Variants in PRDM15 observed in about 807,000 individuals in gnomAD.
PRDM15 encodes the protein PR/SET domain 15, also known as PR domain zinc finger protein 15.
Under a neutral mutation model 128.6 loss-of-function variants are expected in PRDM15, and 64 were observed. The observed-to-expected ratio is 0.50, with a 90% CI of 0.41 to 0.61. The LOEUF (loss-of-function observed/expected upper bound fraction) is 0.61, where lower values mean the gene tolerates loss of function less well. Among genes scored for constraint, PRDM15 ranks in the 20% least tolerant of loss-of-function variants. The pLI is 0.00. For synonymous variants in PRDM15, 615 were observed against 621.8 expected, an observed-to-expected ratio of 0.99 and a Z score of 0.16; for missense variants, 1,242 against 1,569.1, an observed-to-expected ratio of 0.79 and a Z score of 3.52.
chr21:41,803,825 T>C (rs1294004999), intron 22 of PRDM15, among the ~76,000 whole-genome samples: 4 of 152,082 alleles, frequency 2.6e-5, no homozygotes, highest in Non-Finnish European at 5.9e-5. Context: ...ACTGAGAGCA[T>C]GGCACGTTCT....
At chr21:41,824,918 C>T (rs116294658) in intron 13 of PRDM15, among the ~76,000 whole-genome samples, 1,805 of 152,382 alleles carry the variant, frequency 0.012, 38 homozygotes, top group African/African-American at 0.041. Flanking sequence ...ACGGCGGGGA[C>T]GGTGACAGCG....
intron 1 of PRDM15, among the ~76,000 whole-genome samples, chr21:41,876,802 G>A (rs1003982821): frequency 2.6e-5 from 4 of 152,202 alleles, no homozygotes; most frequent in African/African-American, 7.2e-5. Flanking sequence ...AGGCCTGCCT[G>A]GCTCTGGAAC....
intron 18 of PRDM15, 37 bp from the exon 19 acceptor site, chr21:41,815,873 C>A: frequency 6.2e-7 from 1 of 1,606,518 alleles, no homozygotes; most frequent in Non-Finnish European, 8.5e-7. Context: ...GGCCACACCC[C>A]CACGCAGCCC....
In PRDM15 at chr21:41,862,196, G is replaced by A. The variant is rs572794490; in HGVS notation, c.-9-1824C>T. On this transcript the variant is annotated intron_variant, in intron 1 of 23. Transcript: ENST00000398548. This position sits in a 1 kb window ranked among gnomAD's most constrained non-coding sequence, Gnocchi z 4.1. ...CTGCGTGCCCCCTGCAGGAACCCACGTGACTCACGGTCAGGAGCTTGGGCG... is the reference window on the plus strand; with the variant it reads ...CTGCGTGCCCCCTGCAGGAACCCACATGACTCACGGTCAGGAGCTTGGGCG... 3.2e-4 allele frequency among the ~76,000 whole-genome samples: 49 copies of A among 152,316 alleles called. No homozygotes were observed. Among genetic ancestry groups the A allele is most frequent in the African/African-American group, 1.1e-3 (47 of 41,586 alleles).
At chr21:41,839,135 G>A (rs1279151973) in intron 7 of PRDM15, among the ~76,000 whole-genome samples, 5 of 152,238 alleles carry the variant, frequency 3.3e-5, no homozygotes, top group African/African-American at 9.6e-5. Context: ...GCCCTAGACA[G>A]GTCCTGGGAG....
chr21:41,835,687 C>T (rs1191183506), intron 10 of PRDM15, among the ~76,000 whole-genome samples, 163 bp from the exon 11 acceptor site: 2 of 152,180 alleles, frequency 1.3e-5, no homozygotes, highest in Non-Finnish European at 2.9e-5. Context: ...TTTGCTCTTG[C>T]TGTTCACCTG....
At position 41,821,882 on chromosome 21, in the gene PRDM15, C is replaced by G; in HGVS notation, c.1896+21G>C. ...CTTCCTCTCCAGACCACCCAGGCAC[C>G]GCGGGGCAAACCCGCCATACCTGGC... On this transcript the variant is annotated intron_variant, in intron 15 of 23. Coordinates refer to ENST00000398548, the MANE Select transcript of PRDM15 (RefSeq NM_001040424.3). This position sits in a 1 kb window ranked among gnomAD's most constrained non-coding sequence, Gnocchi z 5.4. 2 of 1,612,904 alleles carry G rather than the reference C, an allele frequency of 1.2e-6. No homozygotes were observed. The highest frequency in any genetic ancestry group is 1.1e-5 in the South Asian group (1 of 91,072).
chr21:41,875,536 T>C lies in PRDM15; in HGVS notation c.-10+3734A>G, dbSNP rs187638179. On this transcript the variant is annotated intron_variant, in intron 1 of 23. Coordinates refer to ENST00000398548, the MANE Select transcript of PRDM15 (RefSeq NM_001040424.3). ...ATACTGAGTTAAAATAAAACTGCCA[T>C]GTCACTCTTGTAAATATATCTATTA... 2.3e-4 allele frequency among the ~76,000 whole-genome samples: 35 copies of C among 152,404 alleles called. 1 individual carries two copies. The highest frequency in any genetic ancestry group is 2.0e-3 in the Admixed American group (30 of 15,312).
At chr21:41,804,386 G>A (rs2061499539) in intron 22 of PRDM15, 148 bp downstream of exon 22, 1 of 633,596 alleles carries the variant, frequency 1.6e-6, no homozygotes, top group Admixed American at 2.8e-5. Context: ...GAGGTTCTGA[G>A]GGGAAGAGAA....
At chr21:41,864,189 C>T (rs943286018) in intron 1 of PRDM15, among the ~76,000 whole-genome samples, 5 of 152,014 alleles carry the variant, frequency 3.3e-5, no homozygotes, top group African/African-American at 9.7e-5. Context: ...AAAATCCAAG[C>T]GAGGAAGGGC....
intron 21 of PRDM15, among the ~76,000 whole-genome samples, chr21:41,805,704 A>C (rs1357402357): frequency 6.6e-6 from 1 of 151,942 alleles, no homozygotes; most frequent in Non-Finnish European, 1.5e-5. Flanking sequence ...CTCTACCGTC[A>C]CCACCATCAC....
intron 6 of PRDM15, among the ~76,000 whole-genome samples, chr21:41,845,940 C>T (rs1287414540): frequency 6.6e-6 from 1 of 152,080 alleles, no homozygotes; most frequent in Non-Finnish European, 1.5e-5. Context: ...TCTGCACAAA[C>T]GCGGCGTTTC....
At position 41,825,981 on chromosome 21, in the gene PRDM15, G is replaced by A. The variant is rs139811499; in HGVS notation, c.1608C>T (p.Ser536=). The A allele has an allele frequency of 7.1e-5, 115 of 1,613,948 alleles. No individual in the cohort carries two copies. Among genetic ancestry groups the A allele is most frequent in the African/African-American group, 6.5e-4 (49 of 74,968 alleles). Residue 536 remains serine (S), a synonymous_variant, in exon 13 of 24, where the codon TCC becomes TCT. Coordinates refer to ENST00000398548, the MANE Select transcript of PRDM15 (RefSeq NM_001040424.3). ...ENLVRYKKEP[S]GCPVCGKVFS... is the part of the protein sequence containing the mutation. ...TTACCTTGCCACACACCGGGCACCCGGAAGGCTCCTTCTTGTAACGGACCA... is the reference window on the plus strand; with the variant it reads ...TTACCTTGCCACACACCGGGCACCCAGAAGGCTCCTTCTTGTAACGGACCA...
chr21:41,839,705 C>A lies in PRDM15; in HGVS notation c.789G>T (p.Lys263Asn). 6.2e-7 allele frequency: 1 copy of A among 1,614,240 alleles called. No individual in the cohort carries two copies. Among genetic ancestry groups the A allele is most frequent in the South Asian group, 1.1e-5 (1 of 91,086 alleles). Reference protein sequence around the residue: ...ESENVATKEQKKKPRRGRKPK... With the variant: ...ESENVATKEQNKKPRRGRKPK... ...GTTTTCTCCCCCTTCGAGGCTTTTTCTTCTGTTCTTTGGTGGCAACATTCT... is the reference window on the plus strand; with the variant it reads ...GTTTTCTCCCCCTTCGAGGCTTTTTATTCTGTTCTTTGGTGGCAACATTCT... Residue 263 changes from lysine to asparagine, a missense_variant, in exon 7 of 24, where the codon AAG (lysine) becomes AAT (asparagine). By Grantham distance (94) the Lys-to-Asn change is moderately conservative. This residue lies in a region of PRDM15 where 612 missense variants were observed against 717.0 expected (regional missense o/e 0.85). Transcript: ENST00000398548.
rs371192093 is a variant in PRDM15 at position 41,871,554 on chromosome 21, C to T, written c.-10+7716G>A. On this transcript the variant is annotated intron_variant, in intron 1 of 23. Coordinates refer to ENST00000398548, the MANE Select transcript of PRDM15 (RefSeq NM_001040424.3). ...CTCGCAGGGCTCAGTGGCTCAGTGT[C>T]GGACACCTCATTCCCTAGAGATGTT... is the stretch of plus-strand genomic sequence containing the variant. 11 of 1,612,152 alleles carry T rather than the reference C, an allele frequency of 6.8e-6. No homozygotes were observed. The highest frequency in any genetic ancestry group is 2.7e-5 in the African/African-American group (2 of 74,870).
rs576343480 is a variant in PRDM15 at position 41,838,026 on chromosome 21, A to C, written c.909T>G (p.Asp303Glu). Residue 303 changes from aspartate to glutamate, a missense_variant, in exon 8 of 24, where the codon GAT becomes GAG. Asp to Glu is a conservative substitution (Grantham distance 45, BLOSUM62 2). This residue lies in a region of PRDM15 where 612 missense variants were observed against 717.0 expected (regional missense o/e 0.85). Transcript: ENST00000398548. Reference sequence around the variant, plus strand: ...CATCTGGCGTTGCACTCACAGGCTCATCCGGAGGGACCTCGGTAATGATCT... The same window carrying C: ...CATCTGGCGTTGCACTCACAGGCTCCTCCGGAGGGACCTCGGTAATGATCT... ...VAEIITEVPP[D>E]EPVSATPDER... 15 of 1,614,204 alleles carry C rather than the reference A, an allele frequency of 9.3e-6. No homozygotes were observed. The South Asian group carries it at 1.6e-4, about 18-fold the overall frequency.
At position 41,802,731 on chromosome 21, in the gene PRDM15, G is replaced by A. The variant is rs757348095; in HGVS notation, c.2924C>T (p.Ala975Val). ...TGSVGDETNS[A>V]VQSIQQVVVT... ...ACTGACCTGCTGAATGCTCTGTACTGCGGAATTGGTCTCGTCGCCTACACT... is the reference window on the plus strand; with the variant it reads ...ACTGACCTGCTGAATGCTCTGTACTACGGAATTGGTCTCGTCGCCTACACT... Residue 975 changes from alanine (A) to valine (V), a missense_variant, in exon 23 of 24, where the codon GCA (alanine) becomes GTA (valine). Physicochemically the swap from Ala to Val is moderately conservative, Grantham distance 64. Coordinates refer to ENST00000398548, the MANE Select transcript of PRDM15 (RefSeq NM_001040424.3). 7 of 1,614,112 alleles carry A rather than the reference G, an allele frequency of 4.3e-6. No individual in the cohort carries two copies.
At chr21:41,850,144 A>G (rs937672554) in intron 5 of PRDM15, among the ~76,000 whole-genome samples, 4 of 152,202 alleles carry the variant, frequency 2.6e-5, no homozygotes, top group African/African-American at 9.6e-5. Context: ...TGAGTGAGAA[A>G]TGGGACTCTG....
At chr21:41,838,212 C>A (rs2062959903) in intron 7 of PRDM15, 149 bp from the exon 8 acceptor site, 3 of 777,926 alleles carry the variant, frequency 3.9e-6, no homozygotes, top group Non-Finnish European at 6.0e-6. Flanking sequence ...AAAAAAAAAA[C>A]TGTCAATATT....
Sources: gnomAD v4.1 joint callset for allele counts (sites outside exome capture counted in the v4.1 genomes callset) on GRCh38, gnomAD v4.1.1 for gene constraint, gnomAD v4.1.1 regional missense constraint, Gnocchi (gnomAD v3.1) non-coding constraint, MANE v1.5 for transcripts, NCBI Gene and HGNC (gene_info 2026-07-23, HGNC 2026-07-21) for gene names.